The following PAPPA2 variants were observed in gnomAD, a reference collection of about 807,000 sequenced individuals.
PAPPA2 encodes pappalysin-2.
A neutral mutation model predicts 176.4 loss-of-function variants in PAPPA2; 86 were observed. That is an observed-to-expected ratio of 0.49 (90% CI 0.41 to 0.58). The LOEUF (loss-of-function observed/expected upper bound fraction) is 0.58, where lower values mean the gene tolerates loss of function less well. PAPPA2 is among the 20% of genes least tolerant of loss of function. PAPPA2 has a pLI of 0.00. For missense variants in PAPPA2, 2,073 were observed against 2,256.9 expected, an observed-to-expected ratio of 0.92 and a Z score of 1.65; for synonymous variants, 809 against 852.2, an observed-to-expected ratio of 0.95 and a Z score of 0.88.
At chr1:176,696,933 G>T (rs1660414691) in intron 7 of PAPPA2, among the ~76,000 whole-genome samples, 1 of 152,136 alleles carries the variant, frequency 6.6e-6, no homozygotes, top group Admixed American at 6.5e-5. Flanking sequence ...TTGATTGATT[G>T]TATATGACTT....
intron 3 of PAPPA2, among the ~76,000 whole-genome samples, chr1:176,600,706 G>A (rs1337178416): frequency 6.7e-6 from 1 of 149,062 alleles, no homozygotes; most frequent in Non-Finnish European, 1.5e-5. Flanking sequence ...AAATCACAGA[G>A]CTCAAGCTCA....
chr1:176,820,854 A>G (rs1294939698), intron 21 of PAPPA2, among the ~76,000 whole-genome samples: 1 of 152,166 alleles, frequency 6.6e-6, no homozygotes, highest in African/African-American at 2.4e-5. Context: ...AACAACCCCC[A>G]AAGGAAATAT....
At chr1:176,671,140 A>G (rs1404759675) in intron 4 of PAPPA2, 25 bp downstream of exon 4, 5 of 1,608,158 alleles carry the variant, frequency 3.1e-6, no homozygotes, top group Non-Finnish European at 2.5e-6. Context: ...GACCAAACAT[A>G]GTAGGAAAAA....
intron 1 of PAPPA2, among the ~76,000 whole-genome samples, chr1:176,481,339 C>CCTCCTATG (rs1285701296): frequency 6.6e-6 from 1 of 151,836 alleles, no homozygotes; most frequent in East Asian, 1.9e-4. Flanking sequence ...ATCGTGCTGT[C>CCTCCTATG]CTCCTATGCC....
intron 1 of PAPPA2, among the ~76,000 whole-genome samples, chr1:176,554,316 G>A (rs550872231): frequency 3.6e-4 from 55 of 152,318 alleles, no homozygotes; most frequent in African/African-American, 1.3e-3. Context: ...GACTTTAAAA[G>A]TGTAAGTGAT....
At chr1:176,746,844 T>C (rs1662930043) in intron 14 of PAPPA2, among the ~76,000 whole-genome samples, 1 of 152,182 alleles carries the variant, frequency 6.6e-6, no homozygotes. Context: ...ATATGGAAAC[T>C]GGGGTTCTTC....
At chr1:176,530,096 A>G (rs948184956) in intron 1 of PAPPA2, among the ~76,000 whole-genome samples, 1 of 152,206 alleles carries the variant, frequency 6.6e-6, no homozygotes, top group Non-Finnish European at 1.5e-5. Context: ...AAAGCTCACA[A>G]TTCAACAGGG....
At position 176,579,009 on chromosome 1, in the gene PAPPA2, T is replaced by C. The variant is rs563531162; in HGVS notation, c.920-15515T>C. ...TTATAATTCCCAGGGTGGATTATAC[T>C]TTTCCCCCTCATTAGGGTGGTGGGG... On this transcript the variant is annotated intron_variant, in intron 2 of 22. Coordinates refer to ENST00000367662, the MANE Select transcript of PAPPA2 (RefSeq NM_020318.3). 8.5e-5 allele frequency among the ~76,000 whole-genome samples: 13 copies of C among 152,264 alleles called. 1 individual carries two copies. The South Asian group carries it at 2.7e-3, about 32-fold the overall frequency.
At chr1:176,663,987 G>A (rs903313012) in intron 3 of PAPPA2, among the ~76,000 whole-genome samples, 1 of 152,136 alleles carries the variant, frequency 6.6e-6, no homozygotes, top group South Asian at 2.1e-4. Context: ...AACTGGAGTG[G>A]TGAAATACAC....
At chr1:176,564,593 T>G (rs953345242) in intron 2 of PAPPA2, among the ~76,000 whole-genome samples, 6 of 152,240 alleles carry the variant, frequency 3.9e-5, no homozygotes, top group Non-Finnish European at 8.8e-5. Context: ...TGTGGCACTA[T>G]CAGTGGTGGG....
intron 20 of PAPPA2, among the ~76,000 whole-genome samples, chr1:176,798,861 T>C (rs1665555181): frequency 6.6e-6 from 1 of 152,236 alleles, no homozygotes; most frequent in African/African-American, 2.4e-5. Context: ...GGATTTATAC[T>C]ACTTATTTTC....
At chr1:176,697,493 T>C (rs1660440557) in intron 7 of PAPPA2, among the ~76,000 whole-genome samples, 1 of 152,232 alleles carries the variant, frequency 6.6e-6, no homozygotes, top group African/African-American at 2.4e-5. Context: ...ATTTAAAATA[T>C]ACACTATAAG....
rs1028292277 is a variant in PAPPA2, at chr1:176,801,521, G to A, written c.5202+1389G>A. On this transcript the variant is annotated intron_variant, in intron 21 of 22. Transcript: ENST00000367662. The stretch of plus-strand genomic sequence containing the variant: ...ATCAGGAAAAATGCTAGCATGGAGT[G>A]TGCTTTGTTATGGTGTGGGCCAACA... Among the ~76,000 whole-genome samples, 3 of 152,124 alleles carry A rather than the reference G, an allele frequency of 2.0e-5. No individual in the cohort carries two copies. The South Asian group carries it at 6.2e-4, about 32-fold the overall frequency.
intron 12 of PAPPA2, among the ~76,000 whole-genome samples, chr1:176,731,393 G>A (rs1662134440): frequency 6.6e-6 from 1 of 151,996 alleles, no homozygotes; most frequent in South Asian, 2.1e-4. Context: ...CCCATCTCCT[G>A]GGTTCAAGCA....
intron 15 of PAPPA2, among the ~76,000 whole-genome samples, chr1:176,767,633 A>ACC (rs1431202930): frequency 6.6e-6 from 1 of 152,200 alleles, no homozygotes; most frequent in Non-Finnish European, 1.5e-5. Flanking sequence ...GGTGTGAGCC[A>ACC]CTGCCCCCAG....
At chr1:176,618,785 A>G (rs1033519243) in intron 3 of PAPPA2, among the ~76,000 whole-genome samples, 3 of 152,228 alleles carry the variant, frequency 2.0e-5, no homozygotes, top group African/African-American at 7.2e-5. Context: ...TATTCATTGC[A>G]TCTCTGTTTT....
intron 2 of PAPPA2, among the ~76,000 whole-genome samples, chr1:176,561,972 G>C (rs1319971247): frequency 6.6e-6 from 1 of 152,110 alleles, no homozygotes; most frequent in African/African-American, 2.4e-5. Context: ...AAAACCATGA[G>C]ATCTCCTGAG....
intron 21 of PAPPA2, among the ~76,000 whole-genome samples, chr1:176,831,783 A>C (rs1667088674): frequency 6.6e-6 from 1 of 152,178 alleles, no homozygotes; most frequent in African/African-American, 2.4e-5. Context: ...TCAGAGAAGA[A>C]ATATCTGTGT....
At chr1:176,837,494 A>C (rs945618708) in intron 21 of PAPPA2, among the ~76,000 whole-genome samples, 6 of 152,030 alleles carry the variant, frequency 3.9e-5, no homozygotes, top group Non-Finnish European at 5.9e-5. Flanking sequence ...AAAAAAAAAA[A>C]AAAAACGGGT....
Sources: gnomAD v4.1 joint callset for allele counts (sites outside exome capture counted in the v4.1 genomes callset) on GRCh38, gnomAD v4.1.1 for gene constraint, MANE v1.5 for transcripts, NCBI Gene and HGNC (gene_info 2026-07-23, HGNC 2026-07-21) for gene names.